Variants in TOX observed in about 807,000 individuals in gnomAD.
TOX encodes the protein thymocyte selection associated high mobility group box.
A neutral mutation model predicts 53.7 loss-of-function variants in TOX; 11 were observed. That is an observed-to-expected ratio of 0.20 (90% CI 0.13 to 0.34). TOX has a LOEUF of 0.34. Among genes scored for constraint, TOX ranks in the 10% least tolerant of loss-of-function variants. TOX has a pLI of 1.00. For missense variants in TOX, 570 were observed against 664.6 expected (o/e 0.86, Z 1.56); for synonymous variants, 225 against 245.3 (o/e 0.92, Z 0.77).
chr8:59,089,474 G>A (rs1026367498), intron 1 of TOX, among the ~76,000 whole-genome samples: 1 of 152,140 alleles, frequency 6.6e-6, no homozygotes, highest in Non-Finnish European at 1.5e-5. Context: ...TTTCACAGTG[G>A]TGCCTGTTGG....
intron 3 of TOX, among the ~76,000 whole-genome samples, chr8:58,854,487 TC>T (rs1810878989): frequency 6.6e-6 from 1 of 152,000 alleles, no homozygotes. Flanking sequence ...AGTGTGTAGA[TC>T]TCTGGACACT....
At position 58,993,393 on chromosome 8, in the gene TOX, T is replaced by C. The variant is rs908697066; in HGVS notation, c.103-33385A>G. Among the ~76,000 whole-genome samples, 98 of 152,170 alleles carry C rather than the reference T, an allele frequency of 6.4e-4. 2 individuals carry two copies. The highest frequency in any genetic ancestry group is 1.3e-4 in the Admixed American group (2 of 15,276). ...ATGGATATTAATAAAGTTGATGCTATAAAGTTTCACCAGGAATGGCAGAAG... is the reference window on the plus strand; with the variant it reads ...ATGGATATTAATAAAGTTGATGCTACAAAGTTTCACCAGGAATGGCAGAAG... On this transcript the variant is annotated intron_variant, in intron 1 of 8. Coordinates refer to ENST00000361421, the MANE Select transcript of TOX (RefSeq NM_014729.3).
chr8:58,950,798 A>T (rs981010207), intron 2 of TOX, among the ~76,000 whole-genome samples: 2 of 152,092 alleles, frequency 1.3e-5, no homozygotes, highest in African/African-American at 4.8e-5. Context: ...TGGACAAGAA[A>T]AGTAGTGGAG....
chr8:59,052,900 T>A lies in TOX; in HGVS notation c.102+65986A>T, dbSNP rs903420069. Among the ~76,000 whole-genome samples, 23 of 152,290 alleles carry A rather than the reference T, an allele frequency of 1.5e-4. No individual in the cohort carries two copies. In the East Asian group the frequency reaches 1.7e-3, roughly 11 times the overall value. On this transcript the variant is annotated intron_variant, in intron 1 of 8. Transcript: ENST00000361421. Reference sequence around the variant, plus strand: ...AATTTTAATGTGCCCTACTTTCGTATCACATATATAGAACCAAATAACGAA... The same window carrying A: ...AATTTTAATGTGCCCTACTTTCGTAACACATATATAGAACCAAATAACGAA...
At chr8:59,001,710 T>C (rs1813691242) in intron 1 of TOX, among the ~76,000 whole-genome samples, 1 of 152,180 alleles carries the variant, frequency 6.6e-6, no homozygotes, top group South Asian at 2.1e-4. Flanking sequence ...GTAACTTTGG[T>C]CTGCTCTTGT....
chr8:58,952,428 G>A (rs1420987496), intron 2 of TOX, among the ~76,000 whole-genome samples: 2 of 152,136 alleles, frequency 1.3e-5, no homozygotes, highest in African/African-American at 4.8e-5. Context: ...TGTTATAATT[G>A]CAAAATTTAA....
At chr8:58,879,161 T>A (rs545482064) in intron 3 of TOX, among the ~76,000 whole-genome samples, 1 of 152,174 alleles carries the variant, frequency 6.6e-6, no homozygotes, top group African/African-American at 2.4e-5. Flanking sequence ...CATTAAGACC[T>A]ACATTCATGT....
intron 1 of TOX, among the ~76,000 whole-genome samples, chr8:58,997,265 G>C (rs1000188547): frequency 1.3e-5 from 2 of 148,342 alleles, no homozygotes; most frequent in African/African-American, 4.9e-5. Context: ...GGCTTACTGT[G>C]AAAGTTATCG....
intron 3 of TOX, among the ~76,000 whole-genome samples, chr8:58,899,626 C>T (rs72651303): frequency 0.066 from 10,109 of 152,184 alleles, 547 homozygotes; most frequent in Admixed American, 0.16. Flanking sequence ...GGAATATTTG[C>T]ATTATACTTA....
chr8:58,808,120 A>G lies in TOX; in HGVS notation c.1542T>C (p.Ser514=), dbSNP rs1810017660. 1 of 1,609,976 alleles carries G rather than the reference A, an allele frequency of 6.2e-7. No individual in the cohort carries two copies. Among genetic ancestry groups the G allele is most frequent in the Non-Finnish European group, 8.5e-7 (1 of 1,178,470 alleles). ...PVDWNNDYCS[S]GGMQRDKALY... is the part of the protein sequence containing the mutation. ...GGTGGCGATGACCGGCCGCTTACCCACTACTGCAGTAGTCGTTATTCCAGT... is the reference window on the plus strand; with the variant it reads ...GGTGGCGATGACCGGCCGCTTACCCGCTACTGCAGTAGTCGTTATTCCAGT... The change falls in exon 8 of 9, where the codon AGT becomes AGC. Residue 514 remains serine, a splice_region_variant and synonymous_variant. Transcript: ENST00000361421.
At chr8:59,013,259 A>G (rs536993076) in intron 1 of TOX, among the ~76,000 whole-genome samples, 2 of 152,336 alleles carry the variant, frequency 1.3e-5, no homozygotes, top group East Asian at 3.9e-4. Context: ...GTTCAGCAAC[A>G]TCTTATTCTG....
chr8:58,874,476 T>TTCAGAGCCAAGATTAGAAAA, intron 3 of TOX, among the ~76,000 whole-genome samples: 1 of 152,058 alleles, frequency 6.6e-6, no homozygotes, highest in South Asian at 2.1e-4. Context: ...CTTGAAGCAT[T>TTCAGAGCCAAGATTAGAAAA]TCAGAGCCAA....
At chr8:58,904,990 T>C (rs917123061) in intron 3 of TOX, among the ~76,000 whole-genome samples, 130 of 152,100 alleles carry the variant, frequency 8.5e-4, no homozygotes, top group Non-Finnish European at 8.8e-5. Flanking sequence ...ATCTGTAGAG[T>C]GGTACGATCT....
intron 1 of TOX, among the ~76,000 whole-genome samples, chr8:59,076,970 C>T (rs1196141818): frequency 1.3e-5 from 2 of 152,164 alleles, no homozygotes; most frequent in Non-Finnish European, 2.9e-5. Context: ...TATCTTATTG[C>T]ATATTATAAT....
At chr8:59,050,794 T>C (rs1232556857) in intron 1 of TOX, among the ~76,000 whole-genome samples, 1 of 152,188 alleles carries the variant, frequency 6.6e-6, no homozygotes, top group African/African-American at 2.4e-5. Context: ...GTTTTTGTTT[T>C]TTATGTGAAA....
At chr8:59,038,135 T>C (rs958281335) in intron 1 of TOX, among the ~76,000 whole-genome samples, 2 of 152,230 alleles carry the variant, frequency 1.3e-5, no homozygotes, top group African/African-American at 4.8e-5. Flanking sequence ...TCATATGCCA[T>C]AGTTAAAATG....
chr8:58,884,785 A>T (rs973188127), intron 3 of TOX, among the ~76,000 whole-genome samples: 43 of 152,236 alleles, frequency 2.8e-4, no homozygotes, highest in African/African-American at 9.1e-4. Flanking sequence ...CCCTTGCTTA[A>T]ATTTCTTTTA....
At chr8:59,075,835 G>C (rs368637127) in intron 1 of TOX, among the ~76,000 whole-genome samples, 1 of 151,888 alleles carries the variant, frequency 6.6e-6, no homozygotes, top group Non-Finnish European at 1.5e-5. Flanking sequence ...AAGAAACCCC[G>C]TCTCTACTAA....
At chr8:59,019,404 A>T (rs2129419260) in intron 1 of TOX, among the ~76,000 whole-genome samples, 1 of 152,310 alleles carries the variant, frequency 6.6e-6, no homozygotes, top group South Asian at 2.1e-4. Context: ...ATAATTACAG[A>T]ACCTTTAATG....
Sources: gnomAD v4.1 joint callset for allele counts (sites outside exome capture counted in the v4.1 genomes callset) on GRCh38, gnomAD v4.1.1 for gene constraint, MANE v1.5 for transcripts, NCBI Gene and HGNC (gene_info 2026-07-23, HGNC 2026-07-21) for gene names.